CERT1: variants seen among roughly 807,000 people sequenced by gnomAD.
The protein encoded by CERT1 is ceramide transfer protein.
CERT1 carries 31 observed loss-of-function variants against 87.9 expected under a neutral mutation model. The observed-to-expected ratio is 0.35, with a 90% confidence interval of 0.27 to 0.48. The LOEUF (loss-of-function observed/expected upper bound fraction) is 0.48. CERT1 is among the 20% of genes least tolerant of loss of function. The pLI is 0.99. For synonymous variants in CERT1, 289 were observed against 250.9 expected (o/e 1.15, Z -1.44); for missense variants, 487 against 758.0 (o/e 0.64, Z 4.20).
At chr5:75,480,886 G>C (rs1766209662) in intron 2 of CERT1, among the ~76,000 whole-genome samples, 2 of 152,048 alleles carry the variant, frequency 1.3e-5, no homozygotes, top group South Asian at 2.1e-4. Context: ...GTTAACTCTG[G>C]TCCCAGCCAC....
In CERT1 at chr5:75,411,058, T is replaced by C. The variant is rs750875620; in HGVS notation, c.883A>G (p.Met295Val). Reference protein sequence around the residue: ...RRTEEAYKNAMTELKKKSHFG... With the variant: ...RRTEEAYKNAVTELKKKSHFG... ...TGGGATTTTTTCTTAAGTTCTGTCA[T>C]TGCATTTTTATATGCTTCCTCTGTT... The change falls in exon 8 of 17, where the codon ATG becomes GTG. Residue 295 changes from methionine to valine, a missense_variant. Physicochemically the swap from Met to Val is conservative, Grantham distance 21. This residue lies in a region of CERT1 where 21 missense variants were observed against 20.4 expected (regional missense o/e 1.03). Transcript: ENST00000643780. The C allele has an allele frequency of 1.9e-6, 3 of 1,596,754 alleles. No individual in the cohort carries two copies. Among genetic ancestry groups the C allele is most frequent in the South Asian group, 2.3e-5 (2 of 87,870 alleles).
rs1210967210 is a variant in CERT1 at position 75,389,620 on chromosome 5, T to A, written c.1256A>T (p.Gln419Leu). ...LQDVGGDANWQLVVEEGEMKV... is the reference protein window; with the variant it reads ...LQDVGGDANWLLVVEEGEMKV... ...CATTTCTCCTTCTTCTACAACCAAC[T>A]GCCAATTGGCATCTCCGCCTACATC... The change falls in exon 12 of 17, where the codon CAG becomes CTG. Residue 419 changes from glutamine (Q) to leucine (L), a missense_variant. Gln to Leu is a moderately radical substitution (Grantham distance 113). This residue lies in a region of CERT1 where 147 missense variants were observed against 200.8 expected (regional missense o/e 0.73). Transcript: ENST00000643780. 6.2e-7 allele frequency: 1 copy of A among 1,613,964 alleles called. No individual in the cohort carries two copies. Among genetic ancestry groups the A allele is most frequent in the East Asian group, 2.2e-5 (1 of 44,884 alleles).
At chr5:75,494,403 T>C (rs1007101785) in intron 2 of CERT1, among the ~76,000 whole-genome samples, 2 of 152,194 alleles carry the variant, frequency 1.3e-5, no homozygotes, top group African/African-American at 4.8e-5. Flanking sequence ...GATAGGGTCA[T>C]GTGAGGCTCA....
At chr5:75,461,302 C>T (rs1196573206) in intron 2 of CERT1, among the ~76,000 whole-genome samples, 4 of 152,116 alleles carry the variant, frequency 2.6e-5, no homozygotes, top group South Asian at 2.1e-4. Context: ...AACCCTACAA[C>T]GAACTGTGTA....
chr5:75,433,345 G>C (rs1407436786), intron 3 of CERT1, among the ~76,000 whole-genome samples: 1 of 152,062 alleles, frequency 6.6e-6, no homozygotes, highest in Non-Finnish European at 1.5e-5. Context: ...TTTTCCATTT[G>C]TTTGTGTCAT....
At chr5:75,454,769 T>C (rs1255664918) in intron 3 of CERT1, among the ~76,000 whole-genome samples, 2 of 152,108 alleles carry the variant, frequency 1.3e-5, no homozygotes, top group South Asian at 2.1e-4. Context: ...TTGAAGCAAA[T>C]TGGAAAGGTG....
At chr5:75,374,109 T>TC, downstream of CERT1, 2 of 398,678 alleles carry the variant, frequency 5.0e-6, no homozygotes, top group Admixed American at 8.8e-5. Context: ...AGGCTATAGA[T>TC]CCTACGTTCC....
At chr5:75,390,839 T>C (rs527929736) in intron 11 of CERT1, among the ~76,000 whole-genome samples, 10 of 152,328 alleles carry the variant, frequency 6.6e-5, no homozygotes, top group Middle Eastern at 3.4e-3. Context: ...AGGGTTATTT[T>C]GTCACCCAGG....
At chr5:75,505,452 T>A (rs1164922205) in intron 2 of CERT1, 1 of 152,220 alleles carries the variant, frequency 6.6e-6, no homozygotes, top group Non-Finnish European at 1.5e-5. Context: ...AAGGAGCCTA[T>A]ACTTAGAGTT....
chr5:75,504,200 C>T (rs1327155497), intron 2 of CERT1, among the ~76,000 whole-genome samples: 1 of 151,974 alleles, frequency 6.6e-6, no homozygotes, highest in African/African-American at 2.4e-5. Flanking sequence ...ACATTTCAAT[C>T]CACTATTCTG....
chr5:75,412,494 C>G (rs1289342245), intron 7 of CERT1, among the ~76,000 whole-genome samples: 4 of 152,204 alleles, frequency 2.6e-5, no homozygotes, highest in Non-Finnish European at 5.9e-5. Flanking sequence ...TATTTACTGT[C>G]ACATGTTAGT....
At chr5:75,416,362 G>A (rs756140216) in intron 7 of CERT1, among the ~76,000 whole-genome samples, 8 of 152,126 alleles carry the variant, frequency 5.3e-5, no homozygotes, top group African/African-American at 1.2e-4. Flanking sequence ...AAACTAAAGA[G>A]TCATACTATA....
intron 5 of CERT1, among the ~76,000 whole-genome samples, chr5:75,420,817 T>C (rs1292807824): frequency 2.0e-5 from 3 of 152,104 alleles, no homozygotes; most frequent in Non-Finnish European, 2.9e-5. Flanking sequence ...AAGCTTTTTG[T>C]GGCTTCTTCT....
chr5:75,466,081 T>C (rs1181788917), intron 2 of CERT1, among the ~76,000 whole-genome samples: 2 of 152,114 alleles, frequency 1.3e-5, no homozygotes, highest in Non-Finnish European at 2.9e-5. Context: ...ACCTATTATC[T>C]CTCTTAAATC....
intron 8 of CERT1, among the ~76,000 whole-genome samples, chr5:75,406,246 G>A (rs1170116339): frequency 6.6e-6 from 1 of 152,152 alleles, no homozygotes. Flanking sequence ...GTTCCCCTGA[G>A]GAAAAATATT....
At chr5:75,409,015 C>T (rs1298447365) in intron 8 of CERT1, among the ~76,000 whole-genome samples, 1 of 151,962 alleles carries the variant, frequency 6.6e-6, no homozygotes, top group East Asian at 1.9e-4. Flanking sequence ...AGATGATAAA[C>T]TGTACCATAT....
chr5:75,434,432 T>A (rs112490754), intron 3 of CERT1, among the ~76,000 whole-genome samples: 1 of 152,252 alleles, frequency 6.6e-6, no homozygotes, highest in Non-Finnish European at 1.5e-5. Flanking sequence ...TCTCAGTTTA[T>A]CAGGGATATT....
chr5:75,427,368 G>A (rs995677142), intron 3 of CERT1, among the ~76,000 whole-genome samples: 4 of 152,174 alleles, frequency 2.6e-5, no homozygotes, highest in Non-Finnish European at 5.9e-5. Flanking sequence ...GGAGGCCAAG[G>A]TGGGTGGATC....
chr5:75,469,273 A>T (rs1765606984), intron 2 of CERT1, among the ~76,000 whole-genome samples: 1 of 152,172 alleles, frequency 6.6e-6, no homozygotes, highest in Admixed American at 6.5e-5. Context: ...GGAAAAAAAG[A>T]AGTAAGATTG....
Sources: allele counts gnomAD v4.1 joint callset (sites outside exome capture counted in the v4.1 genomes callset), GRCh38; gene constraint gnomAD v4.1.1; regional missense constraint gnomAD v4.1.1; transcripts MANE v1.5; gene names NCBI Gene and HGNC (gene_info 2026-07-23, HGNC 2026-07-21).